FARSB: variants seen among roughly 807,000 people sequenced by gnomAD.
The protein encoded by FARSB is phenylalanine--tRNA ligase beta subunit.
Under a neutral mutation model 69.6 loss-of-function variants are expected in FARSB, and 40 were observed. The ratio of observed to expected loss-of-function variants is 0.57; its 90% CI spans 0.45 to 0.75. The LOEUF (loss-of-function observed/expected upper bound fraction) is 0.75, where lower values mean the gene tolerates loss of function less well. Ranked by LOEUF, FARSB falls within the 30% of genes least tolerant of loss-of-function variation. FARSB has a pLI of 0.00. For missense variants in FARSB, 632 were observed against 722.9 expected, an observed-to-expected ratio of 0.87 and a Z score of 1.44; for synonymous variants, 235 against 247.2, an observed-to-expected ratio of 0.95 and a Z score of 0.46.
chr2:222,576,079 C>T (rs138132685), intron 16 of FARSB, among the ~76,000 whole-genome samples: 78 of 151,368 alleles, frequency 5.2e-4, no homozygotes, highest in African/African-American at 1.6e-3. Flanking sequence ...GAAGTAGAAG[C>T]TTAAGGAGGT....
chr2:222,575,085 T>C (rs1689803110), intron 16 of FARSB, among the ~76,000 whole-genome samples: 1 of 152,186 alleles, frequency 6.6e-6, no homozygotes, highest in African/African-American at 2.4e-5. Context: ...AAGGGAGATA[T>C]AGCTGACCTG....
chr2:222,609,246 C>T (rs1690783277), intron 15 of FARSB, among the ~76,000 whole-genome samples: 1 of 152,200 alleles, frequency 6.6e-6, no homozygotes, highest in South Asian at 2.1e-4. Context: ...AATACAGTTG[C>T]TTTTCTGGGC....
chr2:222,653,111 G>A (rs1028169457), intron 1 of FARSB, among the ~76,000 whole-genome samples: 6 of 152,192 alleles, frequency 3.9e-5, no homozygotes, highest in African/African-American at 1.4e-4. Flanking sequence ...TAATTGAAGA[G>A]CAGTGATAAT....
At chr2:222,631,209 T>A (rs1475551524) in intron 8 of FARSB, among the ~76,000 whole-genome samples, 1 of 152,034 alleles carries the variant, frequency 6.6e-6, no homozygotes, top group Non-Finnish European at 1.5e-5. Flanking sequence ...TTTTAACAAG[T>A]ACACAAAGGT....
intron 2 of FARSB, among the ~76,000 whole-genome samples, chr2:222,646,105 C>T (rs1424528855): frequency 1.3e-5 from 2 of 152,172 alleles, no homozygotes; most frequent in Non-Finnish European, 2.9e-5. Flanking sequence ...CTTTTGGCAG[C>T]AGAATAATTT....
intron 10 of FARSB, among the ~76,000 whole-genome samples, chr2:222,627,130 C>T (rs575231565): frequency 5.3e-5 from 8 of 152,208 alleles, no homozygotes; most frequent in Non-Finnish European, 1.2e-4. Context: ...CCAATTGCTA[C>T]TGTCATAAAC....
chr2:222,583,733 G>C (rs11887232), intron 16 of FARSB, among the ~76,000 whole-genome samples: 5,306 of 152,076 alleles, frequency 0.035, 299 homozygotes, highest in African/African-American at 0.12. Flanking sequence ...GGGAGGGTCT[G>C]GGTGGGAGGT....
rs1175924780 is a variant in FARSB at position 222,624,311 on chromosome 2, A to G, written c.1131T>C (p.Ile377=). Residue 377 remains isoleucine (I), a synonymous_variant, in exon 12 of 17, where the codon ATT becomes ATC. Transcript: ENST00000281828. The part of the protein sequence containing the change: ...DAAIAYGYNN[I]QMTLPKTYTI... ...TGTAAGTTTTCGGGAGAGTCATCTG[A>G]ATGTTGTTATATCCATAAGCAATAG... The G allele has an allele frequency of 1.2e-6, 2 of 1,612,420 alleles. No homozygotes were observed. Among genetic ancestry groups the G allele is most frequent in the East Asian group, 4.5e-5 (2 of 44,876 alleles).
intron 3 of FARSB, 107 bp downstream of exon 3, chr2:222,642,744 T>C: frequency 1.3e-6 from 1 of 763,298 alleles, no homozygotes; most frequent in Non-Finnish European, 2.1e-6. Context: ...TAAAGCTACG[T>C]TCCTCTACAA....
intron 15 of FARSB, among the ~76,000 whole-genome samples, chr2:222,603,037 TA>T (rs1034583151): frequency 2.6e-4 from 39 of 152,220 alleles, no homozygotes; most frequent in Admixed American, 2.5e-3. Context: ...AACTCATTTT[TA>T]AAAAGAAGTA....
At chr2:222,574,667 T>A (rs1484439176) in intron 16 of FARSB, among the ~76,000 whole-genome samples, 2 of 152,250 alleles carry the variant, frequency 1.3e-5, no homozygotes, top group Non-Finnish European at 2.9e-5. Flanking sequence ...ATAAGATTCC[T>A]GTATAAACTC....
chr2:222,620,324 C>T (rs1691106044), intron 13 of FARSB, among the ~76,000 whole-genome samples: 1 of 152,218 alleles, frequency 6.6e-6, no homozygotes, highest in Non-Finnish European at 1.5e-5. Context: ...TAAATCCATA[C>T]TGACTTGTGG....
intron 16 of FARSB, among the ~76,000 whole-genome samples, chr2:222,583,443 T>G (rs1201412948): frequency 6.6e-6 from 1 of 152,224 alleles, no homozygotes; most frequent in Admixed American, 6.5e-5. Flanking sequence ...ATTGGGAAGT[T>G]AGCATTACTT....
intron 10 of FARSB, 69 bp downstream of exon 10, chr2:222,628,768 A>G (rs1221703857): frequency 2.8e-6 from 3 of 1,066,642 alleles, no homozygotes; most frequent in South Asian, 1.3e-5. Flanking sequence ...CAGACAGAAC[A>G]TGAGTGCTCT....
intron 16 of FARSB, among the ~76,000 whole-genome samples, chr2:222,586,370 T>C (rs1690113157): frequency 6.6e-6 from 1 of 151,998 alleles, no homozygotes; most frequent in Non-Finnish European, 1.5e-5. Context: ...GCACTAAACA[T>C]GGAAAGGAAC....
At chr2:222,594,489 T>C (rs1690360678) in intron 16 of FARSB, among the ~76,000 whole-genome samples, 1 of 152,128 alleles carries the variant, frequency 6.6e-6, no homozygotes, top group Non-Finnish European at 1.5e-5. Flanking sequence ...TTTTTAAAAG[T>C]AAGCTTTACA....
In FARSB at chr2:222,570,434, G is replaced by A. The variant is rs1184926210; in HGVS notation, c.*1437C>T. On this transcript the variant is annotated 3_prime_UTR_variant, in exon 17 of 17. Coordinates refer to ENST00000281828, the MANE Select transcript of FARSB (RefSeq NM_005687.5). ...GTTAGACACTGCTGCCCCAATTCAA[G>A]GTTGTAATATGGTCAGGTTTTCTCC... 6.6e-6 allele frequency: 1 copy of A among 152,110 alleles called. No homozygotes were observed. The highest frequency in any genetic ancestry group is 1.9e-4 in the East Asian group (1 of 5,194). 9.4% of individuals were successfully genotyped at this position (152,110 alleles called of 1,614,324 possible).
At chr2:222,616,821 T>G (rs1218795013) in intron 14 of FARSB, among the ~76,000 whole-genome samples, 1 of 152,160 alleles carries the variant, frequency 6.6e-6, no homozygotes, top group African/African-American at 2.4e-5. Context: ...TATAGGCCCA[T>G]GAAGAACTTT....
Position 222,624,793 on chromosome 2 carries a change from T to A in FARSB, c.901-18A>T. On this transcript the variant is annotated intron_variant, in intron 10 of 16. Transcript: ENST00000281828. ...GCTAATTCCTTAAATAGAAAGAGTT[T>A]AAAAAGTAAATCATTTCCCATCAGA... 1 of 1,492,428 alleles carries A rather than the reference T, an allele frequency of 6.7e-7. No individual in the cohort carries two copies. The highest frequency in any genetic ancestry group is 9.3e-7 in the Non-Finnish European group (1 of 1,079,166). 92.4% of individuals were successfully genotyped at this position (1,492,428 alleles called of 1,614,324 possible).
Sources: gnomAD v4.1 joint callset for allele counts (sites outside exome capture counted in the v4.1 genomes callset) on GRCh38, gnomAD v4.1.1 for gene constraint, MANE v1.5 for transcripts, NCBI Gene and HGNC (gene_info 2026-07-23, HGNC 2026-07-21) for gene names.